The following OR9Q1 variants were observed in gnomAD, a reference collection of about 807,000 sequenced individuals.
OR9Q1 encodes the protein olfactory receptor 9Q1.
For missense variants in OR9Q1, 374 were observed against 378.8 expected (o/e 0.99, Z 0.11); for synonymous variants, 153 against 148.6 (o/e 1.03, Z -0.22).
chr11:58,101,693 A>G (rs1425313855), intron 2 of OR9Q1, among the ~76,000 whole-genome samples: 2 of 152,126 alleles, frequency 1.3e-5, no homozygotes, highest in Non-Finnish European at 2.9e-5. Context: ...GGTCTTAGTC[A>G]TAAATTCTTT....
At chr11:58,071,653 C>T (rs1336934625) in intron 2 of OR9Q1, among the ~76,000 whole-genome samples, 1 of 152,052 alleles carries the variant, frequency 6.6e-6, no homozygotes, top group East Asian at 1.9e-4. Flanking sequence ...TGTGGATGAG[C>T]CTCACAACAA....
At chr11:58,111,321 C>T (rs1307497497) in intron 2 of OR9Q1, among the ~76,000 whole-genome samples, 7 of 152,116 alleles carry the variant, frequency 4.6e-5, no homozygotes, top group Admixed American at 3.9e-4. Context: ...GGAGTTTATG[C>T]ATCTTTACTC....
chr11:58,135,596 T>A (rs569374477), intron 2 of OR9Q1, among the ~76,000 whole-genome samples: 3 of 152,304 alleles, frequency 2.0e-5, no homozygotes, highest in African/African-American at 7.2e-5. Flanking sequence ...TCTATATATT[T>A]GTCACTACAT....
Position 58,179,435 on chromosome 11 carries a change from C to A in OR9Q1, c.-10C>A, listed in dbSNP as rs1423608399. The A allele has an allele frequency of 4.5e-6, 7 of 1,540,874 alleles. No homozygotes were observed. Among genetic ancestry groups the A allele is most frequent in the Non-Finnish European group, 6.1e-6 (7 of 1,140,472 alleles). ...TTCCCATTCTACATGTCTCAGGGAC[C>A]ACTGGTGTCATGGCAGAGATGAACC... On this transcript the variant is annotated 5_prime_UTR_variant, in exon 3 of 3. Coordinates refer to ENST00000335397, the MANE Select transcript of OR9Q1 (RefSeq NM_001005212.4).
intron 2 of OR9Q1, among the ~76,000 whole-genome samples, chr11:58,087,596 G>A (rs892896570): frequency 2.0e-5 from 3 of 151,934 alleles, no homozygotes; most frequent in Non-Finnish European, 2.9e-5. Context: ...TGTGCAGAAC[G>A]TGCAGGTTTG....
At chr11:58,140,788 A>G (rs1854240048) in intron 2 of OR9Q1, among the ~76,000 whole-genome samples, 1 of 152,146 alleles carries the variant, frequency 6.6e-6, no homozygotes, top group Non-Finnish European at 1.5e-5. Flanking sequence ...TTGGTTCCAT[A>G]TGAACTTTAA....
At chr11:58,091,662 T>A (rs1364170682) in intron 2 of OR9Q1, among the ~76,000 whole-genome samples, 1 of 152,072 alleles carries the variant, frequency 6.6e-6, no homozygotes, top group Non-Finnish European at 1.5e-5. Context: ...TATTAGGCCC[T>A]CTTGGTGCAG....
chr11:58,155,782 C>T (rs949635468), intron 2 of OR9Q1, among the ~76,000 whole-genome samples: 2 of 152,132 alleles, frequency 1.3e-5, no homozygotes, highest in African/African-American at 4.8e-5. Context: ...AATATCAGCT[C>T]AGACACAAGT....
chr11:58,068,573 G>C (rs1282100387), intron 2 of OR9Q1, among the ~76,000 whole-genome samples: 1 of 152,168 alleles, frequency 6.6e-6, no homozygotes, highest in African/African-American at 2.4e-5. Context: ...CCCAGGGCCA[G>C]ATATTTAACA....
At chr11:58,101,772 G>A (rs1201952269) in intron 2 of OR9Q1, among the ~76,000 whole-genome samples, 2 of 152,042 alleles carry the variant, frequency 1.3e-5, no homozygotes, top group Non-Finnish European at 2.9e-5. Context: ...TTGTAACAGA[G>A]TTTCATTCTT....
chr11:58,113,283 C>T (rs61902764), intron 2 of OR9Q1, among the ~76,000 whole-genome samples: 29,667 of 152,120 alleles, frequency 0.2, 3,038 homozygotes, highest in African/African-American at 0.24. Context: ...GACTTTCACC[C>T]AGTAAGTCAG....
intron 2 of OR9Q1, among the ~76,000 whole-genome samples, chr11:58,147,771 A>G (rs1854312938): frequency 6.6e-6 from 1 of 152,208 alleles, no homozygotes; most frequent in East Asian, 1.9e-4. Context: ...TTAATAAATG[A>G]ATAAAAACAT....
chr11:58,126,194 C>T (rs1012420098), intron 2 of OR9Q1, among the ~76,000 whole-genome samples: 7 of 152,148 alleles, frequency 4.6e-5, no homozygotes, highest in African/African-American at 9.7e-5. Context: ...TCTCTTCCCT[C>T]GTCTCTGAAA....
intron 2 of OR9Q1, among the ~76,000 whole-genome samples, chr11:58,131,970 TA>T (rs1442105901): frequency 2.0e-5 from 3 of 152,186 alleles, no homozygotes. Context: ...TTAATAGTAT[TA>T]ATAGTGGCAA....
chr11:58,062,341 G>T (rs1407119905), intron 2 of OR9Q1, among the ~76,000 whole-genome samples: 1 of 152,154 alleles, frequency 6.6e-6, no homozygotes, highest in Non-Finnish European at 1.5e-5. Context: ...CACCCACGTA[G>T]GTTGAGCCAC....
intron 2 of OR9Q1, among the ~76,000 whole-genome samples, chr11:58,106,826 G>A (rs1344766762): frequency 2.0e-5 from 3 of 152,012 alleles, no homozygotes; most frequent in Non-Finnish European, 2.9e-5. Flanking sequence ...TTATTTCTGG[G>A]CTGCCTATTC....
intron 2 of OR9Q1, chr11:58,117,398 C>T (rs1853966857): frequency 7.0e-6 from 1 of 143,270 alleles, no homozygotes. Context: ...GGAAGTACTT[C>T]CTTAATTGCA....
At chr11:58,046,632 C>T (rs546257120) in intron 1 of OR9Q1, among the ~76,000 whole-genome samples, 12 of 152,046 alleles carry the variant, frequency 7.9e-5, no homozygotes, top group East Asian at 1.9e-4. Context: ...GAGGCTGAGG[C>T]GGGTGGATCG....
At chr11:58,040,160 C>A (rs11229225) in intron 1 of OR9Q1, among the ~76,000 whole-genome samples, 21,165 of 152,140 alleles carry the variant, frequency 0.14, 1,782 homozygotes, top group South Asian at 0.22. Context: ...ACAGTGATAC[C>A]CTGAGTAAAT....
Sources: gnomAD v4.1 joint callset for allele counts (sites outside exome capture counted in the v4.1 genomes callset) on GRCh38, gnomAD v4.1.1 for gene constraint, MANE v1.5 for transcripts, NCBI Gene and HGNC (gene_info 2026-07-23, HGNC 2026-07-21) for gene names.